The following VPS13B variants were observed in gnomAD, a reference collection of about 807,000 sequenced individuals.
VPS13B encodes the protein intermembrane lipid transfer protein VPS13B.
In VPS13B, 285 loss-of-function variants were observed where a neutral mutation model predicts 426.4. That is an observed-to-expected ratio of 0.67 (90% CI 0.61 to 0.74). The LOEUF (loss-of-function observed/expected upper bound fraction) is 0.74. VPS13B is among the 30% of genes least tolerant of loss of function. The pLI, the probability that VPS13B is intolerant of heterozygous loss-of-function variation, is 0.00. For synonymous variants in VPS13B, 1,676 were observed against 1,676.4 expected, an observed-to-expected ratio of 1.00 and a Z score of 0.01; for missense variants, 4,537 against 4,782.6, an observed-to-expected ratio of 0.95 and a Z score of 1.51.
At chr8:99,657,820 A>G (rs1312649584) in intron 34 of VPS13B, among the ~76,000 whole-genome samples, 2 of 152,178 alleles carry the variant, frequency 1.3e-5, no homozygotes, top group African/African-American at 4.8e-5. Flanking sequence ...TCCTGATTCC[A>G]AGGACATGTA....
In VPS13B at chr8:99,571,037, C is replaced by G. The variant is rs181975080; in HGVS notation, c.4950-4621C>G. ...CAAACTTTCTTATTCTTTCCTGTTT[C>G]TGATGGGTTGATGTTTTTCTGGCCC... On this transcript the variant is annotated intron_variant, in intron 31 of 61. Transcript: ENST00000357162. 1.0e-3 allele frequency among the ~76,000 whole-genome samples: 159 copies of G among 152,288 alleles called. 2 individuals are homozygous for G. Among genetic ancestry groups the G allele is most frequent in the Admixed American group, 3.7e-3 (56 of 15,300 alleles).
At position 99,570,438 on chromosome 8, in the gene VPS13B, A is replaced by T. The variant is rs12676009; in HGVS notation, c.4950-5220A>T. Among the ~76,000 whole-genome samples, 6 of 151,982 alleles carry T rather than the reference A, an allele frequency of 3.9e-5. No homozygotes were observed. In the East Asian group the frequency reaches 1.2e-3, roughly 29 times the overall value. On this transcript the variant is annotated intron_variant, in intron 31 of 61. Transcript: ENST00000357162. Reference sequence around the variant, plus strand: ...CTCAAATCTATATTCTAGTCTTAAGATATATCTAAATGCTATTTATCCCAC... The same window carrying T: ...CTCAAATCTATATTCTAGTCTTAAGTTATATCTAAATGCTATTTATCCCAC...
At chr8:99,229,730 C>A (rs1019208690) in intron 17 of VPS13B, among the ~76,000 whole-genome samples, 1 of 152,188 alleles carries the variant, frequency 6.6e-6, no homozygotes, top group Admixed American at 6.5e-5. Flanking sequence ...AAAGAGATTA[C>A]AGGGAAACAA....
chr8:99,740,949 A>G (rs1809687568), intron 39 of VPS13B, among the ~76,000 whole-genome samples: 1 of 152,186 alleles, frequency 6.6e-6, no homozygotes, highest in Non-Finnish European at 1.5e-5. Context: ...CATCATAATG[A>G]CAGGATCAAA....
At chr8:99,281,641 G>A (rs1819177021) in intron 19 of VPS13B, among the ~76,000 whole-genome samples, 1 of 152,188 alleles carries the variant, frequency 6.6e-6, no homozygotes, top group Non-Finnish European at 1.5e-5. Flanking sequence ...TACTGGTGTT[G>A]CTCCCTGTGC....
chr8:99,788,383 T>TA (rs5893498), intron 43 of VPS13B, among the ~76,000 whole-genome samples: 18,030 of 102,674 alleles, frequency 0.18, 1,712 homozygotes, highest in East Asian at 0.39. Context: ...GACCCCATCT[T>TA]AAAAAAAAAA....
intron 7 of VPS13B, among the ~76,000 whole-genome samples, chr8:99,118,861 T>C (rs1847804058): frequency 6.6e-6 from 1 of 152,238 alleles, no homozygotes; most frequent in Non-Finnish European, 1.5e-5. Context: ...TAGATATTTT[T>C]GTACAAATTT....
Position 99,115,870 on chromosome 8 carries a change from T to C in VPS13B, c.933T>C (p.Ile311=). Residue 311 remains isoleucine, a synonymous_variant, in exon 7 of 62, where the codon ATT becomes ATC. Coordinates refer to ENST00000357162, the MANE Select transcript of VPS13B (RefSeq NM_152564.5). ...ATAATAAAGATATGCTAGGAAACAT[T>C]ACAGGTAATGTAAAACTTTATTAAA... ...TCHNKDMLGN[I]TGSEDETRID... is the part of the protein sequence containing the mutation. The C allele has an allele frequency of 6.2e-7, 1 of 1,612,196 alleles. No homozygotes were observed. Among genetic ancestry groups the C allele is most frequent in the Non-Finnish European group, 8.5e-7 (1 of 1,179,450 alleles).
rs1391605618 is a variant in VPS13B at position 99,875,722 on chromosome 8, A to AGAC, written c.*57_*59dup. Reference sequence around the variant, plus strand: ...GTGATTTAGTTTTTGGGTTTCTTTGAGACAGGGTCTCACTGCATTGCCCTT... The same window carrying AGAC: ...GTGATTTAGTTTTTGGGTTTCTTTGAGACGACAGGGTCTCACTGCATTGCCCTT... On this transcript the variant is annotated 3_prime_UTR_variant, in exon 62 of 62. Coordinates refer to ENST00000357162, the MANE Select transcript of VPS13B (RefSeq NM_152564.5). 4.3e-6 allele frequency: 7 copies of AGAC among 1,611,606 alleles called. No individual in the cohort carries two copies. The highest frequency in any genetic ancestry group is 1.7e-4 in the Middle Eastern group (1 of 6,056).
At chr8:99,586,050 C>T (rs1826284146) in intron 33 of VPS13B, among the ~76,000 whole-genome samples, 2 of 152,154 alleles carry the variant, frequency 1.3e-5, no homozygotes, top group Admixed American at 6.6e-5. Context: ...TCTTGCACTC[C>T]CCACTCCTCT....
intron 36 of VPS13B, among the ~76,000 whole-genome samples, chr8:99,706,008 C>T (rs758623447): frequency 2.6e-5 from 4 of 152,228 alleles, no homozygotes; most frequent in East Asian, 1.9e-4. Context: ...ATAACCATCT[C>T]TGACTTTTTC....
chr8:99,120,902 T>TTA (rs1232701370), intron 7 of VPS13B, among the ~76,000 whole-genome samples: 11 of 152,184 alleles, frequency 7.2e-5, no homozygotes, highest in Non-Finnish European at 1.3e-4. Context: ...TTATTTGTCT[T>TTA]TATCAAATAC....
At chr8:99,632,206 A>G (rs1230845278) in intron 33 of VPS13B, among the ~76,000 whole-genome samples, 1 of 151,984 alleles carries the variant, frequency 6.6e-6, no homozygotes, top group Non-Finnish European at 1.5e-5. Context: ...ACCAGGTATG[A>G]TTAAAATTTA....
rs886062543 is a variant in VPS13B at position 99,642,512 on chromosome 8, A to C, written c.5908+14A>C. 2.5e-6 allele frequency: 4 copies of C among 1,601,570 alleles called. No homozygotes were observed. The highest frequency in any genetic ancestry group is 3.4e-6 in the Non-Finnish European group (4 of 1,173,362). ...ACAAATGTATAGGTAAGAACCTTCAAACTTACTGGAGTGCTAATAATTACT... is the reference window on the plus strand; with the variant it reads ...ACAAATGTATAGGTAAGAACCTTCACACTTACTGGAGTGCTAATAATTACT... On this transcript the variant is annotated intron_variant, in intron 34 of 61. Coordinates refer to ENST00000357162, the MANE Select transcript of VPS13B (RefSeq NM_152564.5).
chr8:99,358,579 C>T (rs1331128562), intron 19 of VPS13B, among the ~76,000 whole-genome samples: 1 of 151,958 alleles, frequency 6.6e-6, no homozygotes, highest in African/African-American at 2.4e-5. Context: ...TTTTCTATAC[C>T]CAGTAGTCAA....
chr8:99,453,271 T>C (rs934365012), intron 23 of VPS13B, among the ~76,000 whole-genome samples: 42 of 152,252 alleles, frequency 2.8e-4, no homozygotes, highest in African/African-American at 9.6e-4. Flanking sequence ...GATGGTGATG[T>C]ACTGTTACAA....
rs9693884 is a variant in VPS13B at position 99,300,402 on chromosome 8, G to A, written c.2824+25148G>A. Among the ~76,000 whole-genome samples the A allele has an allele frequency of 3.2e-3, 480 of 152,258 alleles. 3 individuals are homozygous for A. Among genetic ancestry groups the A allele is most frequent in the African/African-American group, 0.01 (435 of 41,556 alleles). ...AAAAGAATATATATTTCTCAATAAAGCATTGGTTGTAAATACTGCAACAGT... is the reference window on the plus strand; with the variant it reads ...AAAAGAATATATATTTCTCAATAAAACATTGGTTGTAAATACTGCAACAGT... On this transcript the variant is annotated intron_variant, in intron 19 of 61. Transcript: ENST00000357162.
At chr8:99,119,152 C>T (rs1380361775) in intron 7 of VPS13B, among the ~76,000 whole-genome samples, 3 of 152,058 alleles carry the variant, frequency 2.0e-5, no homozygotes, top group Non-Finnish European at 2.9e-5. Context: ...ATGTGATTAT[C>T]GGCCTTTATC....
At chr8:99,664,604 G>C (rs959972184) in intron 35 of VPS13B, among the ~76,000 whole-genome samples, 1 of 152,054 alleles carries the variant, frequency 6.6e-6, no homozygotes, top group African/African-American at 2.4e-5. Context: ...TGCTGAGAAT[G>C]ATGTTTTCCA....
Sources: gnomAD v4.1 joint callset for allele counts (sites outside exome capture counted in the v4.1 genomes callset) on GRCh38, gnomAD v4.1.1 for gene constraint, MANE v1.5 for transcripts, NCBI Gene and HGNC (gene_info 2026-07-23, HGNC 2026-07-21) for gene names.